Variants in DNAJC22 observed in about 807,000 individuals in gnomAD.
DNAJC22 encodes dnaJ homolog subfamily C member 22.
DNAJC22 carries 24 observed loss-of-function variants against 22.2 expected under a neutral mutation model. The ratio of observed to expected loss-of-function variants is 1.08; its 90% CI spans 0.78 to 1.52. The LOEUF (loss-of-function observed/expected upper bound fraction) is 1.52. DNAJC22 is among the 40% of genes most tolerant of loss of function. DNAJC22 has a pLI of 0.00. For missense variants in DNAJC22, 434 were observed against 421.7 expected (o/e 1.03, Z -0.26); for synonymous variants, 160 against 167.4 (o/e 0.96, Z 0.34).
chr12:49,348,158 T>TA (rs1943723948), intron 2 of DNAJC22, 53 bp downstream of exon 2: 1 of 152,000 alleles, frequency 6.6e-6, no homozygotes, highest in Non-Finnish European at 1.5e-5. Context: ...TCGCTCCAGA[T>TA]AGAGGGGACA....
Position 49,349,107 on chromosome 12 carries a change from A to G in DNAJC22, c.235A>G (p.Ile79Val), listed in dbSNP as rs1955670930. ...PRGVTPPLSP[I>V]RFAAQVIVGI... ...AGGGGTGACACCCCCTCTGAGTCCCATTCGCTTTGCTGCCCAGGTGATAGT... is the reference window on the plus strand; with the variant it reads ...AGGGGTGACACCCCCTCTGAGTCCCGTTCGCTTTGCTGCCCAGGTGATAGT... Residue 79 changes from isoleucine (I) to valine (V), a missense_variant, in exon 3 of 4, where the codon ATT (isoleucine) becomes GTT (valine). Coordinates refer to ENST00000549441, the MANE Select transcript of DNAJC22 (RefSeq NM_001304944.2). 6.2e-7 allele frequency: 1 copy of G among 1,614,038 alleles called. No individual in the cohort carries two copies. The highest frequency in any genetic ancestry group is 8.5e-7 in the Non-Finnish European group (1 of 1,180,024).
intron 3 of DNAJC22, chr12:49,351,090 C>T: frequency 1.1e-6 from 1 of 924,854 alleles, no homozygotes; most frequent in Non-Finnish European, 1.3e-6. Context: ...AGATCTAGAG[C>T]TTGTCTATGT....
In DNAJC22 at chr12:49,348,816, C is replaced by G; in HGVS notation, c.-57C>G. On this transcript the variant is annotated 5_prime_UTR_variant, in exon 3 of 4. Coordinates refer to ENST00000549441, the MANE Select transcript of DNAJC22 (RefSeq NM_001304944.2). ...GACAGCCATGAGTCTCACAGAGGAC[C>G]CCGAGACTTCTGTGCTGCGAGTAAC... 7 of 1,448,160 alleles carry G rather than the reference C, an allele frequency of 4.8e-6. No homozygotes were observed. The highest frequency in any genetic ancestry group is 1.4e-5 in the African/African-American group (1 of 70,092). 89.7% of individuals were successfully genotyped at this position (1,448,160 alleles called of 1,614,324 possible).
At chr12:49,351,130 A>G (rs1202944317) in intron 3 of DNAJC22, 187 bp from the exon 4 acceptor site, 2 of 980,176 alleles carry the variant, frequency 2.0e-6, no homozygotes, top group Non-Finnish European at 1.2e-6. Flanking sequence ...TTTTTCTAAA[A>G]TAATTTTTTT....
chr12:49,350,726 G>C (rs559005428), intron 3 of DNAJC22, among the ~76,000 whole-genome samples: 4 of 151,734 alleles, frequency 2.6e-5, no homozygotes, highest in African/African-American at 9.7e-5. Context: ...TCGAACTCCC[G>C]ACCTCAGGTG....
At chr12:49,349,799 G>A in intron 3 of DNAJC22, 87 bp downstream of exon 3, 1 of 1,576,800 alleles carries the variant, frequency 6.3e-7, no homozygotes, top group Non-Finnish European at 8.6e-7. Context: ...GCCAGGTGCT[G>A]GAAGGATATT....
rs938273774 is a variant in DNAJC22 at position 49,349,416 on chromosome 12, C to T, written c.544C>T (p.Leu182Phe). Residue 182 changes from leucine (L) to phenylalanine (F), a missense_variant, in exon 3 of 4, where the codon CTC becomes TTC. Leu to Phe is a conservative substitution (Grantham distance 22, BLOSUM62 0). Transcript: ENST00000549441. ...LVASEPLSVR[L>F]YRLGLAYLAF... ...GGCATCAGAGCCGCTCAGTGTGCGG[C>T]TCTATCGTCTGGGCTTGGCTTACCT... 3.7e-6 allele frequency: 6 copies of T among 1,612,760 alleles called. No homozygotes were observed. The highest frequency in any genetic ancestry group is 5.1e-6 in the Non-Finnish European group (6 of 1,179,496).
At chr12:49,351,139 T>C in intron 3 of DNAJC22, 178 bp from the exon 4 acceptor site, 12 of 1,332,672 alleles carry the variant, frequency 9.0e-6, no homozygotes, top group Non-Finnish European at 1.1e-5. Context: ...AATAATTTTT[T>C]TCTTTTATTA....
rs1943786033 is a variant in DNAJC22, at chr12:49,351,582, G to C, written c.*80G>C. 1.4e-6 allele frequency: 2 copies of C among 1,428,496 alleles called. No individual in the cohort carries two copies. Among genetic ancestry groups the C allele is most frequent in the Non-Finnish European group, 1.9e-6 (2 of 1,079,060 alleles). The allele number at this position is 1,428,496 out of a possible 1,614,324, so 88.5% of individuals were successfully genotyped here. A position where few individuals can be genotyped will look rare whatever the true frequency, so the allele number is the denominator to read the frequency against. ...CCAAATCTAGCTTTGCCCACGAATG[G>C]CATCCCAACAGAGTTAAAGAAACTG... On this transcript the variant is annotated 3_prime_UTR_variant, in exon 4 of 4. Transcript: ENST00000549441.
At chr12:49,350,299 A>T (rs1422180298) in intron 3 of DNAJC22, among the ~76,000 whole-genome samples, 3 of 151,058 alleles carry the variant, frequency 2.0e-5, no homozygotes, top group Non-Finnish European at 2.9e-5. Context: ...CTGGTTTCCA[A>T]CTCCTGACCT....
Position 49,349,654 on chromosome 12 carries a change from C to A in DNAJC22, c.782C>A (p.Ala261Glu), listed in dbSNP as rs376194030. The change falls in exon 3 of 4, where the codon GCG becomes GAG. Residue 261 changes from alanine to glutamate, a missense_variant. Ala to Glu is a moderately radical substitution (Grantham distance 107, BLOSUM62 -1). Coordinates refer to ENST00000549441, the MANE Select transcript of DNAJC22 (RefSeq NM_001304944.2). The part of the protein sequence containing the change: ...GFNSSCFQEW[A>E]KLYEFVHSFQ... ...AACAGCAGCTGCTTTCAGGAGTGGG[C>A]GAAGCTCTATGAGTTTGTTCACAGT... 2 of 1,614,174 alleles carry A rather than the reference C, an allele frequency of 1.2e-6. No homozygotes were observed. The highest frequency in any genetic ancestry group is 2.2e-5 in the South Asian group (2 of 91,070).
chr12:49,351,391 C>G lies in DNAJC22; in HGVS notation c.915C>G (p.His305Gln). 6.2e-7 allele frequency: 1 copy of G among 1,613,538 alleles called. No individual in the cohort carries two copies. The highest frequency in any genetic ancestry group is 8.5e-7 in the Non-Finnish European group (1 of 1,179,728). ...ACCAGGAGCTAGTGAAGGTCTGGCA[C>G]CCAGACCACAACCTGGACCAGACAG... ...RSYQELVKVW[H>Q]PDHNLDQTEE... Residue 305 changes from histidine (H) to glutamine (Q), a missense_variant, in exon 4 of 4, where the codon CAC (histidine) becomes CAG (glutamine). Coordinates refer to ENST00000549441, the MANE Select transcript of DNAJC22 (RefSeq NM_001304944.2).
chr12:49,350,790 G>GC (rs1555175004), intron 3 of DNAJC22, among the ~76,000 whole-genome samples: 4 of 152,110 alleles, frequency 2.6e-5, no homozygotes, highest in Non-Finnish European at 4.4e-5. Flanking sequence ...GAGCCACCAC[G>GC]CCCGACCATT....
At position 49,348,818 on chromosome 12, in the gene DNAJC22, C is replaced by T. The variant is rs548640335; in HGVS notation, c.-55C>T. 7.8e-5 allele frequency: 113 copies of T among 1,449,026 alleles called. No individual in the cohort carries two copies. The highest frequency in any genetic ancestry group is 2.5e-4 in the Middle Eastern group (1 of 3,996). The allele number at this position is 1,449,026 out of a possible 1,614,324, so 89.8% of individuals were successfully genotyped here. On this transcript the variant is annotated 5_prime_UTR_variant, in exon 3 of 4. Transcript: ENST00000549441. ...CAGCCATGAGTCTCACAGAGGACCCCGAGACTTCTGTGCTGCGAGTAACCG... is the reference window on the plus strand; with the variant it reads ...CAGCCATGAGTCTCACAGAGGACCCTGAGACTTCTGTGCTGCGAGTAACCG...
rs535079912 is a variant in DNAJC22 at position 49,349,076 on chromosome 12, C to T, written c.204C>T (p.Ser68=). The T allele has an allele frequency of 7.4e-6, 12 of 1,613,858 alleles. No homozygotes were observed. In the East Asian group the frequency reaches 1.1e-4, roughly 15 times the overall value. ...QANRAQGQRQ[S]PRGVTPPLSP... is the part of the protein sequence containing the mutation. ...ACAGAGCCCAGGGACAGAGGCAGAG[C>T]CCCAGAGGGGTGACACCCCCTCTGA... The change falls in exon 3 of 4, where the codon AGC becomes AGT. Residue 68 remains serine (S), a synonymous_variant. Coordinates refer to ENST00000549441, the MANE Select transcript of DNAJC22 (RefSeq NM_001304944.2).
Position 49,352,078 on chromosome 12 carries a change from T to C in DNAJC22, c.*576T>C, listed in dbSNP as rs1943792274. On this transcript the variant is annotated 3_prime_UTR_variant, in exon 4 of 4. Coordinates refer to ENST00000549441, the MANE Select transcript of DNAJC22 (RefSeq NM_001304944.2). ...AAAGGCATATTATAAAACAATCAAA[T>C]ATCTTTTAGAGTATGGACAACTATT... The C allele has an allele frequency of 6.6e-6, 1 of 152,200 alleles. No individual in the cohort carries two copies. Among genetic ancestry groups the C allele is most frequent in the Non-Finnish European group, 1.5e-5 (1 of 68,040 alleles). 9.4% of individuals were successfully genotyped at this position (152,200 alleles called of 1,614,324 possible). A position where few individuals can be genotyped will look rare whatever the true frequency, so the allele number is the denominator to read the frequency against.
chr12:49,351,492 C>A lies in DNAJC22; in HGVS notation c.1016C>A (p.Ser339Tyr). The A allele has an allele frequency of 6.5e-7, 1 of 1,538,612 alleles. No individual in the cohort carries two copies. The highest frequency in any genetic ancestry group is 1.4e-5 in the African/African-American group (1 of 70,504). The change falls in exon 4 of 4, where the codon TCC becomes TAC. Residue 339 changes from serine to tyrosine, a missense_variant. Ser to Tyr is a moderately radical substitution (Grantham distance 144, BLOSUM62 -2). Transcript: ENST00000549441. ...AGTCAACCCAGGAAGCCCTGGGGAT[C>A]CCGGAGGTGAAAAGAAACTTCCCCC... ...VLSQPRKPWGSRR is the reference protein window; with the variant it reads ...VLSQPRKPWGYRR
At position 49,348,798 on chromosome 12, in the gene DNAJC22, A is replaced by G; in HGVS notation, c.-75A>G. 7.0e-7 allele frequency: 1 copy of G among 1,433,482 alleles called. No homozygotes were observed. The highest frequency in any genetic ancestry group is 9.2e-7 in the Non-Finnish European group (1 of 1,092,408). The allele number at this position is 1,433,482 out of a possible 1,614,324, so 88.8% of individuals were successfully genotyped here. On this transcript the variant is annotated 5_prime_UTR_variant, in exon 3 of 4. An upstream start codon of the reference 5' UTR is lost. Transcript: ENST00000549441. ...GGATAACTCTGGGGCCATGACAGCC[A>G]TGAGTCTCACAGAGGACCCCGAGAC... is the stretch of plus-strand genomic sequence containing the variant.
At position 49,349,138 on chromosome 12, in the gene DNAJC22, T is replaced by A. The variant is rs758658372; in HGVS notation, c.266T>A (p.Ile89Asn). 6.2e-7 allele frequency: 1 copy of A among 1,614,170 alleles called. No individual in the cohort carries two copies. Among genetic ancestry groups the A allele is most frequent in the South Asian group, 1.1e-5 (1 of 91,086 alleles). Residue 89 changes from isoleucine (I) to asparagine (N), a missense_variant, in exon 3 of 4, where the codon ATC (isoleucine) becomes AAC (asparagine). Physicochemically the swap from Ile to Asn is moderately radical, Grantham distance 149 (BLOSUM62 -3). Transcript: ENST00000549441. The part of the protein sequence containing the change: ...IRFAAQVIVG[I>N]YFGLVALISL... ...TTTGCTGCCCAGGTGATAGTTGGCA[T>A]CTATTTTGGCCTTGTGGCACTGATT...
Sources: gnomAD v4.1 joint callset for allele counts (sites outside exome capture counted in the v4.1 genomes callset) on GRCh38, gnomAD v4.1.1 for gene constraint, MANE v1.5 for transcripts, NCBI Gene and HGNC (gene_info 2026-07-23, HGNC 2026-07-21) for gene names.